Variants in TMEM202 observed in about 807,000 individuals in gnomAD.
TMEM202 encodes transmembrane protein 202.
A neutral mutation model predicts 26.1 loss-of-function variants in TMEM202; 25 were observed. That is an observed-to-expected ratio of 0.96 (90% CI 0.70 to 1.34). The LOEUF (loss-of-function observed/expected upper bound fraction) is 1.34. Ranked by LOEUF, TMEM202 falls within the 40% of genes most tolerant of loss-of-function variation. The pLI, the probability that TMEM202 is intolerant of heterozygous loss-of-function variation, is 0.00. For missense variants in TMEM202, 301 were observed against 327.7 expected (o/e 0.92, Z 0.63); for synonymous variants, 122 against 119.0 (o/e 1.02, Z -0.16).
At chr15:72,398,985 GTTTC>G in intron 2 of TMEM202, 77 bp downstream of exon 2, 1 of 1,526,406 alleles carries the variant, frequency 6.6e-7, no homozygotes. Context: ...GGCCCTTCAT[GTTTC>G]TTCCTCCAAG....
intron 2 of TMEM202, among the ~76,000 whole-genome samples, chr15:72,399,881 A>G (rs2063539651): frequency 6.6e-6 from 1 of 152,226 alleles, no homozygotes; most frequent in Non-Finnish European, 1.5e-5. Context: ...GAAAGAAAAC[A>G]TATGTGAGTA....
chr15:72,404,430 G>GA (rs963409103), intron 2 of TMEM202, among the ~76,000 whole-genome samples: 20 of 150,558 alleles, frequency 1.3e-4, no homozygotes, highest in East Asian at 5.8e-4. Context: ...AAAAGATAAA[G>GA]AAAAAAAAAT....
intron 2 of TMEM202, among the ~76,000 whole-genome samples, chr15:72,400,105 GA>G (rs1394253926): frequency 6.6e-6 from 1 of 152,096 alleles, no homozygotes; most frequent in Non-Finnish European, 1.5e-5. Flanking sequence ...GAAAACTAGA[GA>G]AAATATTTGC....
At chr15:72,406,134 T>C (rs1213123070) in intron 2 of TMEM202, among the ~76,000 whole-genome samples, 1 of 152,030 alleles carries the variant, frequency 6.6e-6, no homozygotes, top group African/African-American at 2.4e-5. Flanking sequence ...TCACATCATA[T>C]ATTCTTAAGA....
intron 2 of TMEM202, among the ~76,000 whole-genome samples, chr15:72,401,186 G>A (rs932201239): frequency 3.9e-4 from 60 of 152,228 alleles, no homozygotes; most frequent in African/African-American, 1.4e-3. Context: ...ATCATTCAGT[G>A]ACTAAGAATG....
chr15:72,407,931 G>A lies in TMEM202; in HGVS notation c.*38G>A. 1 of 1,560,498 alleles carries A rather than the reference G, an allele frequency of 6.4e-7. No individual in the cohort carries two copies. Among genetic ancestry groups the A allele is most frequent in the Non-Finnish European group, 8.8e-7 (1 of 1,139,212 alleles). Reference sequence around the variant, plus strand: ...ACTATAGCTTGTCTTAAAAGCAGGGGAGAAGCTGAGTTGGGAATGGTCACA... The same window carrying A: ...ACTATAGCTTGTCTTAAAAGCAGGGAAGAAGCTGAGTTGGGAATGGTCACA... On this transcript the variant is annotated 3_prime_UTR_variant, in exon 5 of 5. Transcript: ENST00000341689.
In TMEM202 at chr15:72,408,084, C is replaced by T; in HGVS notation, c.*191C>T. Reference sequence around the variant, plus strand: ...TGATAGTCATAAAGTAAATAACTCACTTAAGAAAAACATTTCTAAAAGAAA... The same window carrying T: ...TGATAGTCATAAAGTAAATAACTCATTTAAGAAAAACATTTCTAAAAGAAA... On this transcript the variant is annotated 3_prime_UTR_variant, in exon 5 of 5. Coordinates refer to ENST00000341689, the MANE Select transcript of TMEM202 (RefSeq NM_001080462.3). The T allele has an allele frequency of 1.8e-6, 1 of 561,156 alleles. No individual in the cohort carries two copies. The highest frequency in any genetic ancestry group is 3.0e-5 in the East Asian group (1 of 33,894). The allele number at this position is 561,156 out of a possible 1,614,324, so 34.8% of individuals were successfully genotyped here.
At chr15:72,405,467 G>A (rs1030369105) in intron 2 of TMEM202, among the ~76,000 whole-genome samples, 3 of 152,116 alleles carry the variant, frequency 2.0e-5, no homozygotes, top group Non-Finnish European at 4.4e-5. Flanking sequence ...GCATATCCCC[G>A]CTGCTCTCTT....
At chr15:72,400,067 GCAGA>G (rs1223635420) in intron 2 of TMEM202, among the ~76,000 whole-genome samples, 1 of 152,070 alleles carries the variant, frequency 6.6e-6, no homozygotes, top group Non-Finnish European at 1.5e-5. Context: ...AAAATCAAAG[GCAGA>G]CAGACAATTC....
In TMEM202 at chr15:72,398,400, A is replaced by C. The variant is rs750949980; in HGVS notation, c.74A>C (p.Tyr25Ser). Residue 25 changes from tyrosine (Y) to serine (S), a missense_variant, in exon 1 of 5, where the codon TAC (tyrosine) becomes TCC (serine). Tyr to Ser is a moderately radical substitution (Grantham distance 144). Coordinates refer to ENST00000341689, the MANE Select transcript of TMEM202 (RefSeq NM_001080462.3). ...CCCAAAATAAAGGGGAACCGGAAAT[A>C]CCAAAGGGTGAGGAGGTATCTAATT... The part of the protein sequence containing the change: ...EVPKIKGNRK[Y>S]QRPTVPAKKH... 6.2e-7 allele frequency: 1 copy of C among 1,611,190 alleles called. No homozygotes were observed. Among genetic ancestry groups the C allele is most frequent in the African/African-American group, 1.3e-5 (1 of 75,002 alleles).
chr15:72,398,516 GTT>G (rs200172705), intron 1 of TMEM202, 109 bp downstream of exon 1: 759 of 1,147,954 alleles, frequency 6.6e-4, no homozygotes, highest in East Asian at 7.6e-4. Flanking sequence ...AAATTGTGGG[GTT>G]TTTTTTTTTT....
chr15:72,407,365 G>C, intron 4 of TMEM202, 148 bp downstream of exon 4: 3 of 1,043,586 alleles, frequency 2.9e-6, no homozygotes, highest in South Asian at 1.6e-5. Flanking sequence ...ATGAAGAAAG[G>C]GTGGATTTTA....
Position 72,406,730 on chromosome 15 carries a change from T to C in TMEM202, c.466T>C (p.Ser156Pro). The C allele has an allele frequency of 6.2e-7, 1 of 1,614,168 alleles. No individual in the cohort carries two copies. Among genetic ancestry groups the C allele is most frequent in the Non-Finnish European group, 8.5e-7 (1 of 1,180,014 alleles). Residue 156 changes from serine to proline, a missense_variant, in exon 3 of 5, where the codon TCC (serine) becomes CCC (proline). By Grantham distance (74) the Ser-to-Pro change is moderately conservative. Coordinates refer to ENST00000341689, the MANE Select transcript of TMEM202 (RefSeq NM_001080462.3). ...GACCACCAACTTGGATCTGAAGGTA[T>C]CCATGCTCAGCTTCATCTCAGGTAC... Reference protein sequence around the residue: ...SMTTNLDLKVSMLSFISATCL... With the variant: ...SMTTNLDLKVPMLSFISATCL...
chr15:72,404,783 GAGGGCTATACAGACAATAGTCA>G (rs1387553663), intron 2 of TMEM202, among the ~76,000 whole-genome samples: 3 of 152,166 alleles, frequency 2.0e-5, no homozygotes. Flanking sequence ...GCTATAGTCA[GAGGGCTATACAGACAATAGTCA>G]AGGGCTATAG....
Position 72,407,919 on chromosome 15 carries a change from T to C in TMEM202, c.*26T>C. The C allele has an allele frequency of 6.3e-7, 1 of 1,595,684 alleles. No individual in the cohort carries two copies. The highest frequency in any genetic ancestry group is 2.1e-4 in the Middle Eastern group (1 of 4,824). On this transcript the variant is annotated 3_prime_UTR_variant, in exon 5 of 5. Coordinates refer to ENST00000341689, the MANE Select transcript of TMEM202 (RefSeq NM_001080462.3). The stretch of plus-strand genomic sequence containing the variant: ...TAGGAAAACCTAACTATAGCTTGTC[T>C]TAAAAGCAGGGGAGAAGCTGAGTTG...
rs764859853 is a variant in TMEM202, at chr15:72,407,087, T to A, written c.489T>A (p.Ala163=). 24 of 1,611,858 alleles carry A rather than the reference T, an allele frequency of 1.5e-5. No individual in the cohort carries two copies. In the Middle Eastern group the frequency reaches 6.3e-4, roughly 42 times the overall value. ...LKVSMLSFIS[A]TCLLLCLNLF... is the part of the protein sequence containing the mutation. ...TGACATCTTTCCTTCTGGTCCTAGC[T>A]ACCTGCTTGCTCCTCTGCCTCAACC... The change falls in exon 4 of 5, where the codon GCT becomes GCA. Residue 163 remains alanine (A), a splice_region_variant and synonymous_variant. Coordinates refer to ENST00000341689, the MANE Select transcript of TMEM202 (RefSeq NM_001080462.3).
chr15:72,401,969 T>G (rs2063549536), intron 2 of TMEM202, among the ~76,000 whole-genome samples: 2 of 152,138 alleles, frequency 1.3e-5, no homozygotes, highest in Non-Finnish European at 2.9e-5. Flanking sequence ...TTTATTTATT[T>G]ATCTATTTAT....
intron 1 of TMEM202, 99 bp downstream of exon 1, chr15:72,398,506 A>C: frequency 2.1e-6 from 3 of 1,422,738 alleles, no homozygotes; most frequent in Non-Finnish European, 2.8e-6. Flanking sequence ...ATCACCCTGA[A>C]AATTGTGGGG....
intron 3 of TMEM202, 65 bp from the exon 4 acceptor site, chr15:72,407,021 G>T: frequency 6.3e-7 from 1 of 1,591,498 alleles, no homozygotes; most frequent in Non-Finnish European, 8.5e-7. Context: ...CCAAAGAGCT[G>T]GGGGTGGCGG....
Sources: allele counts gnomAD v4.1 joint callset (sites outside exome capture counted in the v4.1 genomes callset), GRCh38; gene constraint gnomAD v4.1.1; transcripts MANE v1.5; gene names NCBI Gene and HGNC (gene_info 2026-07-23, HGNC 2026-07-21).